PTPRF: variants seen among roughly 807,000 people sequenced by gnomAD.
PTPRF encodes protein tyrosine phosphatase receptor type F, also known as receptor-type tyrosine-protein phosphatase F.
Under a neutral mutation model 201.8 loss-of-function variants are expected in PTPRF, and 59 were observed. The ratio of observed to expected loss-of-function variants is 0.29; its 90% CI spans 0.24 to 0.36. The LOEUF is 0.36. PTPRF is among the 10% of genes least tolerant of loss of function. The pLI is 1.00. For missense variants in PTPRF, 2,132 were observed against 2,690.5 expected (o/e 0.79, Z 4.59); for synonymous variants, 1,088 against 1,089.7 (o/e 1.00, Z 0.03).
In PTPRF at chr1:43,617,652, C is replaced by T. The variant is rs528926663; in HGVS notation, c.4195+84C>T. The T allele has an allele frequency of 1.7e-5, 27 of 1,603,188 alleles. No individual in the cohort carries two copies. In the East Asian group the frequency reaches 4.2e-4, roughly 25 times the overall value. On this transcript the variant is annotated intron_variant, in intron 24 of 33. Coordinates refer to ENST00000359947, the MANE Select transcript of PTPRF (RefSeq NM_002840.5). ...CATGTCATTCTACAGAGGATGTCCA[C>T]GAGTCTCAGGGGTGCACTGAGGCAT...
At chr1:43,594,825 A>G (rs191304638) in intron 11 of PTPRF, among the ~76,000 whole-genome samples, 7 of 152,314 alleles carry the variant, frequency 4.6e-5, no homozygotes, top group Admixed American at 3.3e-4. Flanking sequence ...TGCCATCTAC[A>G]TGGCAGTGCT....
chr1:43,539,404 C>T (rs1446164197), intron 2 of PTPRF, among the ~76,000 whole-genome samples: 6 of 152,166 alleles, frequency 3.9e-5, no homozygotes, highest in South Asian at 2.1e-4. Flanking sequence ...GCCAAGAGCT[C>T]GGTGGGTCTG....
chr1:43,592,658 CAT>C (rs1651140672), intron 11 of PTPRF, 57 bp downstream of exon 11: 1 of 1,463,388 alleles, frequency 6.8e-7, no homozygotes, highest in South Asian at 1.4e-5. Flanking sequence ...CACACACACA[CAT>C]GCACACACAT....
intron 5 of PTPRF, among the ~76,000 whole-genome samples, chr1:43,568,014 G>T (rs1157462033): frequency 1.3e-5 from 2 of 152,152 alleles, no homozygotes; most frequent in Non-Finnish European, 2.9e-5. Context: ...GGTGGTTTGG[G>T]ATGGGGCCTG....
At chr1:43,578,351 A>G (rs1249976333) in intron 6 of PTPRF, among the ~76,000 whole-genome samples, 2 of 152,116 alleles carry the variant, frequency 1.3e-5, no homozygotes, top group Non-Finnish European at 2.9e-5. Context: ...CAAATTCTCA[A>G]GCTCCAGCCT....
intron 25 of PTPRF, among the ~76,000 whole-genome samples, chr1:43,618,421 C>T (rs140800838): frequency 8.7e-4 from 133 of 152,298 alleles, no homozygotes; most frequent in African/African-American, 3.0e-3. Context: ...AATTATGACC[C>T]TTATTCCACT....
At chr1:43,569,044 G>T (rs1160906536) in intron 5 of PTPRF, among the ~76,000 whole-genome samples, 1 of 152,208 alleles carries the variant, frequency 6.6e-6, no homozygotes, top group African/African-American at 2.4e-5. Flanking sequence ...GTAGGGCTGG[G>T]GGTGCCCCGG....
chr1:43,589,968 G>A (rs1650227397), intron 8 of PTPRF, among the ~76,000 whole-genome samples: 1 of 152,132 alleles, frequency 6.6e-6, no homozygotes, highest in South Asian at 2.1e-4. Context: ...TTTAAAAAAT[G>A]TAATTCAGGA....
At position 43,620,267 on chromosome 1, in the gene PTPRF, C is replaced by T. The variant is rs777690182; in HGVS notation, c.5238+46C>T. The T allele has an allele frequency of 3.9e-5, 63 of 1,607,502 alleles. No homozygotes were observed. The South Asian group carries it at 6.4e-4, about 16-fold the overall frequency. Reference sequence around the variant, plus strand: ...AGGGCCCCTGTCATACCTGGGAGAACACCAGCCACCCTTGGGGGAGCTGCC... The same window carrying T: ...AGGGCCCCTGTCATACCTGGGAGAATACCAGCCACCCTTGGGGGAGCTGCC... On this transcript the variant is annotated intron_variant, in intron 30 of 33. Coordinates refer to ENST00000359947, the MANE Select transcript of PTPRF (RefSeq NM_002840.5).
Position 43,619,977 on chromosome 1 carries a change from A to T in PTPRF, c.5112-118A>T, listed in dbSNP as rs577241810. 54 of 1,563,252 alleles carry T rather than the reference A, an allele frequency of 3.5e-5. 1 individual carries two copies. In the South Asian group the frequency reaches 6.1e-4, roughly 18 times the overall value. On this transcript the variant is annotated intron_variant, in intron 29 of 33. Transcript: ENST00000359947. The stretch of plus-strand genomic sequence containing the variant: ...AAGACCAGAGAGGGCTGGGTAGAGC[A>T]GTGAGGACTTCCTGGAGGAGGGGTG...
rs372127614 is a variant in PTPRF, at chr1:43,596,049, G to A, written c.1814-1699G>A. Among the ~76,000 whole-genome samples, 22 of 152,256 alleles carry A rather than the reference G, an allele frequency of 1.4e-4. No individual in the cohort carries two copies. In the South Asian group the frequency reaches 1.5e-3, roughly 10 times the overall value. On this transcript the variant is annotated intron_variant, in intron 11 of 33. Coordinates refer to ENST00000359947, the MANE Select transcript of PTPRF (RefSeq NM_002840.5). ...CTGGATTCATCTAGGGCTTGGCAGC[G>A]GCCAGGAAGGAGCATGGAAAGATCA...
chr1:43,562,763 G>A (rs1044452441), intron 5 of PTPRF, among the ~76,000 whole-genome samples: 3 of 152,134 alleles, frequency 2.0e-5, no homozygotes, highest in South Asian at 2.1e-4. Context: ...AGAAAGGTCC[G>A]TGTGGGTGCA....
intron 7 of PTPRF, among the ~76,000 whole-genome samples, chr1:43,584,930 G>A (rs764082036): frequency 6.6e-6 from 1 of 152,166 alleles, no homozygotes; most frequent in Non-Finnish European, 1.5e-5. Flanking sequence ...GCCTCTGGGC[G>A]CCGCACCGCC....
At chr1:43,577,822 T>TA (rs1647028909) in intron 6 of PTPRF, among the ~76,000 whole-genome samples, 2 of 152,158 alleles carry the variant, frequency 1.3e-5, no homozygotes, top group African/African-American at 4.8e-5. Flanking sequence ...TGGGTGTAAT[T>TA]GTCTGTTGGA....
intron 11 of PTPRF, among the ~76,000 whole-genome samples, chr1:43,596,798 G>A (rs1254029859): frequency 6.6e-6 from 1 of 152,212 alleles, no homozygotes; most frequent in East Asian, 1.9e-4. Context: ...GTGCTTGTGT[G>A]TATGTGATAT....
At chr1:43,529,174 C>T (rs1262821294), upstream of PTPRF, among the ~76,000 whole-genome samples, 7 of 152,320 alleles carry the variant, frequency 4.6e-5, no homozygotes, top group East Asian at 7.7e-4. Context: ...ATACCTCCCC[C>T]GTGGTGCACC....
At position 43,619,835 on chromosome 1, in the gene PTPRF, T is replaced by C; in HGVS notation, c.5088T>C (p.Asn1696=). Residue 1696 remains asparagine (N), a synonymous_variant, in exon 29 of 34, where the codon AAT becomes AAC. Coordinates refer to ENST00000359947, the MANE Select transcript of PTPRF (RefSeq NM_002840.5). ...GTGTGGAGGGCTCTGACTACATCAA[T>C]GCCAGCTTCCTGGATGGTTATAGGT... is the stretch of plus-strand genomic sequence containing the variant. ...IRGVEGSDYI[N]ASFLDGYRQQ... 1 of 1,614,208 alleles carries C rather than the reference T, an allele frequency of 6.2e-7. No individual in the cohort carries two copies. The highest frequency in any genetic ancestry group is 8.5e-7 in the Non-Finnish European group (1 of 1,180,018).
At chr1:43,559,361 C>T (rs1050224085) in intron 5 of PTPRF, among the ~76,000 whole-genome samples, 25 of 151,948 alleles carry the variant, frequency 1.6e-4, no homozygotes, top group African/African-American at 6.0e-4. Context: ...TCAGGCAGTG[C>T]GTGGTGTGGT....
At chr1:43,538,361 G>C (rs1262042531) in intron 2 of PTPRF, 84 bp downstream of exon 2, 2 of 398,220 alleles carry the variant, frequency 5.0e-6, no homozygotes, top group Non-Finnish European at 8.8e-6. Context: ...TTTGATGCAG[G>C]GTCAGTGGAG....
Sources: allele counts gnomAD v4.1 joint callset (sites outside exome capture counted in the v4.1 genomes callset), GRCh38; gene constraint gnomAD v4.1.1; transcripts MANE v1.5; gene names NCBI Gene and HGNC (gene_info 2026-07-23, HGNC 2026-07-21).